Variants in MAPT observed in about 807,000 individuals in gnomAD.
MAPT encodes the protein microtubule-associated protein tau.
Under a neutral mutation model 67.9 loss-of-function variants are expected in MAPT, and 34 were observed. That is an observed-to-expected ratio of 0.50 (90% CI 0.38 to 0.67). MAPT has a LOEUF of 0.67. Ranked by LOEUF, MAPT falls within the 30% of genes least tolerant of loss-of-function variation. The pLI, the probability that MAPT is intolerant of heterozygous loss-of-function variation, is 0.00. For missense variants in MAPT, 881 were observed against 1,115.2 expected (o/e 0.79, Z 2.99); for synonymous variants, 456 against 464.5 (o/e 0.98, Z 0.23).
chr17:45,899,983 G>A (rs1475817213), intron 1 of MAPT, among the ~76,000 whole-genome samples: 1 of 152,152 alleles, frequency 6.6e-6, no homozygotes, highest in Non-Finnish European at 1.5e-5. Flanking sequence ...GTGTGGCCAA[G>A]GTCAAGTCTC....
At chr17:45,913,520 T>C (rs2064947528) in intron 1 of MAPT, among the ~76,000 whole-genome samples, 1 of 152,134 alleles carries the variant, frequency 6.6e-6, no homozygotes, top group Admixed American at 6.5e-5. Context: ...TCCCTGGGAA[T>C]TTCACAGACC....
intron 9 of MAPT, chr17:45,999,360 C>CGG (rs978145392): frequency 6.2e-7 from 1 of 1,613,814 alleles, no homozygotes; most frequent in Non-Finnish European, 8.5e-7. Context: ...TCATTGAATG[C>CGG]GGGGTTAATT....
chr17:45,905,568 T>A (rs1215744723), intron 1 of MAPT, among the ~76,000 whole-genome samples: 2 of 152,172 alleles, frequency 1.3e-5, no homozygotes, highest in African/African-American at 4.8e-5. Flanking sequence ...AAAAGACTTT[T>A]AAAAAGATCT....
chr17:45,905,163 A>G (rs1038623584), intron 1 of MAPT, among the ~76,000 whole-genome samples: 37 of 152,328 alleles, frequency 2.4e-4, no homozygotes, highest in African/African-American at 8.9e-4. Flanking sequence ...ATTTTGCAGA[A>G]CATCCCTAAA....
rs913982391 is a variant in MAPT, at chr17:45,897,916, G to C, written c.-18+3230G>C. ...CTTTCCTACCGCGGTTGATTCTGGG[G>C]TGTCATTTTGTGTTTTGTGATGGCT... On this transcript the variant is annotated intron_variant, in intron 1 of 12. Transcript: ENST00000262410. This position sits in a 1 kb window ranked among gnomAD's most constrained non-coding sequence, Gnocchi z 5.0. 2 of 152,156 alleles carry C rather than the reference G, an allele frequency of 1.3e-5. No homozygotes were observed. Among genetic ancestry groups the C allele is most frequent in the African/African-American group, 2.4e-5 (1 of 41,412 alleles). The allele number at this position is 152,156 out of a possible 1,614,324, so 9.4% of individuals were successfully genotyped here.
chr17:46,023,862 C>G (rs2076679811), intron 12 of MAPT, 94 bp from the exon 13 acceptor site: 1 of 1,050,478 alleles, frequency 9.5e-7, no homozygotes, highest in Admixed American at 1.8e-5. Flanking sequence ...AAAAACAGTC[C>G]CTGGCACTCT....
intron 6 of MAPT, among the ~76,000 whole-genome samples, chr17:45,987,563 C>T (rs1055338912): frequency 1.3e-5 from 2 of 152,320 alleles, no homozygotes; most frequent in Admixed American, 6.5e-5. Context: ...GAAATGCTCC[C>T]GTAATTGCAC....
In MAPT at chr17:45,971,960, A is replaced by G. The variant is rs763293764; in HGVS notation, c.220+15A>G. The stretch of plus-strand genomic sequence containing the variant: ...AACAGCGGAAGGTGGGCCCCCCTTC[A>G]GACGCCCCCTCCATGCCTCCAGCCT... On this transcript the variant is annotated intron_variant, in intron 3 of 12. Coordinates refer to ENST00000262410, the MANE Select transcript of MAPT (RefSeq NM_001377265.1). The surrounding 1 kb of genome is among the most constrained non-coding windows in gnomAD (Gnocchi z 4.3). 1 of 1,604,852 alleles carries G rather than the reference A, an allele frequency of 6.2e-7. No homozygotes were observed. Among genetic ancestry groups the G allele is most frequent in the Admixed American group, 1.7e-5 (1 of 59,998 alleles).
In MAPT at chr17:45,995,800, A is replaced by G. The variant is rs2074423024; in HGVS notation, c.1733-599A>G. On this transcript the variant is annotated intron_variant, in intron 8 of 12. Coordinates refer to ENST00000262410, the MANE Select transcript of MAPT (RefSeq NM_001377265.1). This position sits in a 1 kb window ranked among gnomAD's most constrained non-coding sequence, Gnocchi z 4.3. The stretch of plus-strand genomic sequence containing the variant: ...GAAGGCCAAATCCCACAGAGGAGCC[A>G]GGGTGCTGGCAGGAGCCCTGAACTA... Among the ~76,000 whole-genome samples the G allele has an allele frequency of 6.6e-6, 1 of 152,208 alleles. No homozygotes were observed. The highest frequency in any genetic ancestry group is 1.5e-5 in the Non-Finnish European group (1 of 68,032).
At chr17:45,916,634 C>T (rs1193635757) in intron 1 of MAPT, among the ~76,000 whole-genome samples, 3 of 152,200 alleles carry the variant, frequency 2.0e-5, no homozygotes, top group African/African-American at 7.2e-5. Flanking sequence ...TGGAGTTGCC[C>T]ACTTTCCCTT....
chr17:46,018,067 C>G (rs1480682906), intron 11 of MAPT, among the ~76,000 whole-genome samples: 1 of 151,234 alleles, frequency 6.6e-6, no homozygotes, highest in Non-Finnish European at 1.5e-5. Flanking sequence ...ATGGCATGAA[C>G]CCGGGAGGCG....
In MAPT at chr17:45,906,017, G is replaced by C. The variant is rs2064283871; in HGVS notation, c.-18+11331G>C. Among the ~76,000 whole-genome samples, 1 of 152,224 alleles carries C rather than the reference G, an allele frequency of 6.6e-6. No individual in the cohort carries two copies. The highest frequency in any genetic ancestry group is 1.5e-5 in the Non-Finnish European group (1 of 68,038). ...CAGACGGTGCAGCTGGTTCCTAGGG[G>C]TGAGGGCTGAGCCAGCAGGGTCCGT... On this transcript the variant is annotated intron_variant, in intron 1 of 12. Transcript: ENST00000262410. The surrounding 1 kb of genome is among the most constrained non-coding windows in gnomAD (Gnocchi z 4.3).
chr17:45,902,857 T>C lies in MAPT; in HGVS notation c.-18+8171T>C, dbSNP rs372965951. On this transcript the variant is annotated intron_variant, in intron 1 of 12. Transcript: ENST00000262410. The stretch of plus-strand genomic sequence containing the variant: ...AATAATGTTTCATTCATTCCTCTCC[T>C]TTGGCCCCGTCCACCCTACTGCTAA... Among the ~76,000 whole-genome samples the C allele has an allele frequency of 2.4e-4, 37 of 152,326 alleles. No homozygotes were observed. In the South Asian group the frequency reaches 7.5e-3, roughly 31 times the overall value.
chr17:45,965,276 A>C lies in MAPT; in HGVS notation c.133+2806A>C, dbSNP rs575040868. On this transcript the variant is annotated intron_variant, in intron 2 of 12. Coordinates refer to ENST00000262410, the MANE Select transcript of MAPT (RefSeq NM_001377265.1). ...GAAACCTCGTCTCTACTAAAAATAC[A>C]AAAATTAACCAGGTGTGGTGGTGGG... 1.3e-4 allele frequency among the ~76,000 whole-genome samples: 20 copies of C among 151,968 alleles called. 1 individual carries two copies. The East Asian group carries it at 3.2e-3, about 24-fold the overall frequency.
chr17:45,921,123 T>G (rs1429112749), intron 1 of MAPT, among the ~76,000 whole-genome samples: 2 of 152,204 alleles, frequency 1.3e-5, no homozygotes, highest in African/African-American at 2.4e-5. Flanking sequence ...TTAGTTGTCC[T>G]GCTAGTAGGA....
intron 1 of MAPT, among the ~76,000 whole-genome samples, chr17:45,916,392 T>C (rs1047492193): frequency 2.6e-5 from 4 of 152,188 alleles, no homozygotes; most frequent in Non-Finnish European, 5.9e-5. Flanking sequence ...TCACTCTGCT[T>C]GCAGAACCCT....
At chr17:45,948,995 G>T (rs1376790610) in intron 1 of MAPT, among the ~76,000 whole-genome samples, 1 of 152,230 alleles carries the variant, frequency 6.6e-6, no homozygotes, top group Non-Finnish European at 1.5e-5. Flanking sequence ...ATTTTTGTTT[G>T]TTTTTAACGA....
chr17:45,993,777 G>C, intron 8 of MAPT: 1 of 714,202 alleles, frequency 1.4e-6, no homozygotes, highest in South Asian at 1.6e-5. Context: ...CCTGCAGGTG[G>C]AGAGACCCTC....
At chr17:45,943,898 C>G (rs1270323036) in intron 1 of MAPT, among the ~76,000 whole-genome samples, 2 of 152,178 alleles carry the variant, frequency 1.3e-5, no homozygotes, top group Non-Finnish European at 2.9e-5. Context: ...CCTTGTTTCT[C>G]TCCTCTCCAG....
Sources: gnomAD v4.1 joint callset for allele counts (sites outside exome capture counted in the v4.1 genomes callset) on GRCh38, gnomAD v4.1.1 for gene constraint, Gnocchi (gnomAD v3.1) non-coding constraint, MANE v1.5 for transcripts, NCBI Gene and HGNC (gene_info 2026-07-23, HGNC 2026-07-21) for gene names.